CDK12: variants seen among roughly 807,000 people sequenced by gnomAD.
CDK12 encodes cyclin-dependent kinase 12.
CDK12 carries 17 observed loss-of-function variants against 133.8 expected under a neutral mutation model. The observed-to-expected ratio is 0.13, with a 90% confidence interval of 0.09 to 0.19. The LOEUF (loss-of-function observed/expected upper bound fraction) is 0.19, where lower values mean the gene tolerates loss of function less well. CDK12 is among the 10% of genes least tolerant of loss of function. The pLI is 1.00. For missense variants in CDK12, 1,508 were observed against 1,818.7 expected, an observed-to-expected ratio of 0.83 and a Z score of 3.11; for synonymous variants, 694 against 683.6, an observed-to-expected ratio of 1.02 and a Z score of -0.24.
chr17:39,478,693 C>T (rs1223181166), intron 2 of CDK12, among the ~76,000 whole-genome samples: 1 of 152,058 alleles, frequency 6.6e-6, no homozygotes. Flanking sequence ...GGCATGATAG[C>T]ATGCACCTGT....
intron 2 of CDK12, among the ~76,000 whole-genome samples, chr17:39,489,099 G>A (rs1056490016): frequency 9.4e-5 from 13 of 138,898 alleles, no homozygotes; most frequent in Admixed American, 2.9e-4. Context: ...TTTTTTTTTC[G>A]AGATGGAGTC....
intron 11 of CDK12, among the ~76,000 whole-genome samples, chr17:39,520,691 T>G (rs902016156): frequency 7.3e-5 from 11 of 150,018 alleles, no homozygotes; most frequent in Admixed American, 2.0e-4. Flanking sequence ...CCAGCGTGTT[T>G]TTGTTGTTGT....
At chr17:39,490,281 C>G (rs2051480830) in intron 2 of CDK12, among the ~76,000 whole-genome samples, 1 of 151,680 alleles carries the variant, frequency 6.6e-6, no homozygotes, top group African/African-American at 2.4e-5. Context: ...GTAGGAGAAT[C>G]ACTTGAACCC....
Position 39,486,146 on chromosome 17 carries a change from T to C in CDK12, c.1932-4411T>C, listed in dbSNP as rs2051107514. ...TTTTGTACTTTTAGTAGAGATGCGG[T>C]TTCACCATGTTGGCTAGGCTGGTCT... On this transcript the variant is annotated intron_variant, in intron 2 of 13. Coordinates refer to ENST00000447079, the MANE Select transcript of CDK12 (RefSeq NM_016507.4). Among the ~76,000 whole-genome samples, 3 of 151,650 alleles carry C rather than the reference T, an allele frequency of 2.0e-5. No individual in the cohort carries two copies. The South Asian group carries it at 6.2e-4, about 32-fold the overall frequency.
chr17:39,535,385 C>G (rs1467226247), downstream of CDK12, among the ~76,000 whole-genome samples: 1 of 152,152 alleles, frequency 6.6e-6, no homozygotes, highest in African/African-American at 2.4e-5. Flanking sequence ...AGTTGCTAAC[C>G]TGTTTTTGAA....
chr17:39,512,141 G>A (rs1319206718), intron 8 of CDK12, among the ~76,000 whole-genome samples: 4 of 152,108 alleles, frequency 2.6e-5, no homozygotes, highest in East Asian at 3.9e-4. Context: ...TCCAGTGGCT[G>A]TTCATAAGTA....
At chr17:39,463,251 C>G in intron 1 of CDK12, 134 bp downstream of exon 1, 2 of 774,710 alleles carry the variant, frequency 2.6e-6, no homozygotes, top group Admixed American at 2.7e-5. Flanking sequence ...CTAGTCATTC[C>G]AGTGTGTGAA....
Position 39,534,177 on chromosome 17 carries a change from T to C in CDK12, c.*2861T>C. 2 of 232,922 alleles carry C rather than the reference T, an allele frequency of 8.6e-6. No individual in the cohort carries two copies. Among genetic ancestry groups the C allele is most frequent in the Non-Finnish European group, 1.7e-5 (2 of 117,784 alleles). The allele number at this position is 232,922 out of a possible 1,614,324, so 14.4% of individuals were successfully genotyped here. On this transcript the variant is annotated 3_prime_UTR_variant, in exon 14 of 14. Transcript: ENST00000447079. The stretch of plus-strand genomic sequence containing the variant: ...GAACGATAAGTATTTGAAAGCAACA[T>C]CAAATCTATACGTTTAAAGCAGGGC...
At chr17:39,528,718 G>C (rs2054639283) in intron 13 of CDK12, among the ~76,000 whole-genome samples, 1 of 152,138 alleles carries the variant, frequency 6.6e-6, no homozygotes, top group Admixed American at 6.5e-5. Context: ...ACATAATTAG[G>C]CTATTTACAT....
At chr17:39,563,459 T>TCC (rs1404863272) in intron 3 of CDK12, among the ~76,000 whole-genome samples, 83 of 21,432 alleles carry the variant, frequency 3.9e-3, no homozygotes, top group Non-Finnish European at 4.9e-3. Context: ...TTCTCTTGCT[T>TCC]CCCGCCCCCC....
chr17:39,481,178 G>A (rs2050612524), intron 2 of CDK12, among the ~76,000 whole-genome samples: 2 of 151,508 alleles, frequency 1.3e-5, no homozygotes, highest in African/African-American at 4.9e-5. Flanking sequence ...CCTTGAACTC[G>A]GGGGGCGGAG....
At chr17:39,544,320 G>A, upstream of CDK12, 1 of 490,006 alleles carries the variant, frequency 2.0e-6, no homozygotes, top group Non-Finnish European at 4.0e-6. Flanking sequence ...CCCAGAGCCT[G>A]GCAAATTCAG....
chr17:39,509,723 A>G lies in CDK12; in HGVS notation c.2628A>G (p.Ala876=), dbSNP rs1298293193. Residue 876 remains alanine, a synonymous_variant, in exon 7 of 14, where the codon GCA becomes GCG. Transcript: ENST00000447079. ...TTTACAGTGGGCAAATCAAACTAGCAGATTTTGGACTTGCTCGGCTCTATA... is the reference window on the plus strand; with the variant it reads ...TTTACAGTGGGCAAATCAAACTAGCGGATTTTGGACTTGCTCGGCTCTATA... ...LLNNSGQIKL[A]DFGLARLYNS... 2 of 1,613,078 alleles carry G rather than the reference A, an allele frequency of 1.2e-6. No homozygotes were observed. Among genetic ancestry groups the G allele is most frequent in the Non-Finnish European group, 8.5e-7 (1 of 1,179,104 alleles).
chr17:39,564,568 C>G (rs920966657), intron 3 of CDK12, among the ~76,000 whole-genome samples: 3 of 152,214 alleles, frequency 2.0e-5, no homozygotes, highest in African/African-American at 7.2e-5. Flanking sequence ...CCTCCCACCT[C>G]TATATTCAGT....
chr17:39,509,596 A>G, intron 6 of CDK12, 109 bp from the exon 7 acceptor site: 1 of 751,814 alleles, frequency 1.3e-6, no homozygotes, highest in East Asian at 2.5e-5. Context: ...AGCAGAAGTT[A>G]AAATTTATTT....
Position 39,532,102 on chromosome 17 carries a change from TTCTC to T in CDK12, c.*824_*827del, listed in dbSNP as rs71843922. ...GCTGATGTGTGCTCTCTCTCTCTCT[TTCTC>T]TCTCTCTCTCTCTCTCTCTCTCTCT... On this transcript the variant is annotated 3_prime_UTR_variant, in exon 14 of 14. Transcript: ENST00000447079. The T allele has an allele frequency of 0.088, 19,242 of 217,786 alleles. 597 individuals are homozygous for T. Among genetic ancestry groups the T allele is most frequent in the Middle Eastern group, 0.098 (74 of 756 alleles). 13.5% of individuals were successfully genotyped at this position (217,786 alleles called of 1,614,324 possible).
intron 6 of CDK12, among the ~76,000 whole-genome samples, chr17:39,505,254 C>T (rs867771299): frequency 9.3e-5 from 13 of 139,462 alleles, no homozygotes; most frequent in Middle Eastern, 4.2e-3. Flanking sequence ...AGGCCAGGCG[C>T]GGTGGCTCAC....
intron 13 of CDK12, among the ~76,000 whole-genome samples, chr17:39,527,521 A>C (rs950749036): frequency 2.0e-5 from 3 of 152,188 alleles, no homozygotes; most frequent in African/African-American, 7.2e-5. Context: ...GTTGAAATCA[A>C]ATGAGTAAAA....
At chr17:39,473,603 G>A (rs1193251479) in intron 2 of CDK12, among the ~76,000 whole-genome samples, 2 of 151,982 alleles carry the variant, frequency 1.3e-5, no homozygotes, top group South Asian at 2.1e-4. Flanking sequence ...AAAATTAGCC[G>A]GGTGTGGCCA....
Sources: allele counts gnomAD v4.1 joint callset (sites outside exome capture counted in the v4.1 genomes callset), GRCh38; gene constraint gnomAD v4.1.1; transcripts MANE v1.5; gene names NCBI Gene and HGNC (gene_info 2026-07-23, HGNC 2026-07-21).